Variants in CHST8 observed in about 807,000 individuals in gnomAD.
CHST8 encodes the protein GALNAC-4-ST1.
CHST8 carries 10 observed loss-of-function variants against 15.0 expected under a neutral mutation model. The ratio of observed to expected loss-of-function variants is 0.67; its 90% CI spans 0.41 to 1.13. The LOEUF (loss-of-function observed/expected upper bound fraction) is 1.13. CHST8 is among the 50% of genes most tolerant of loss of function. CHST8 has a pLI of 0.00. For missense variants in CHST8, 634 were observed against 608.2 expected (o/e 1.04, Z -0.45); for synonymous variants, 259 against 256.6 (o/e 1.01, Z -0.09).
chr19:33,628,158 G>T (rs909337836), intron 1 of CHST8, among the ~76,000 whole-genome samples: 1 of 152,094 alleles, frequency 6.6e-6, no homozygotes, highest in Non-Finnish European at 1.5e-5. Flanking sequence ...AAAGGATGGG[G>T]AGAGAGAATC....
intron 3 of CHST8, among the ~76,000 whole-genome samples, chr19:33,714,152 A>G (rs543750542): frequency 6.6e-6 from 1 of 152,186 alleles, no homozygotes; most frequent in Non-Finnish European, 1.5e-5. Flanking sequence ...CTACCGGGCT[A>G]TCTACCCAAA....
At chr19:33,737,633 G>T (rs76934979) in intron 3 of CHST8, among the ~76,000 whole-genome samples, 2,847 of 152,310 alleles carry the variant, frequency 0.019, 34 homozygotes, top group Non-Finnish European at 0.027. Context: ...ACTGTGTCAT[G>T]GAAGCCACGT....
At chr19:33,638,246 G>C (rs1318777008) in intron 1 of CHST8, among the ~76,000 whole-genome samples, 1 of 152,152 alleles carries the variant, frequency 6.6e-6, no homozygotes, top group African/African-American at 2.4e-5. Flanking sequence ...GTGGACTTGT[G>C]TGGCATTATT....
chr19:33,696,103 G>A (rs528268572), intron 3 of CHST8, among the ~76,000 whole-genome samples: 164 of 152,144 alleles, frequency 1.1e-3, no homozygotes, highest in African/African-American at 3.8e-3. Flanking sequence ...TGGGATTGCA[G>A]GCGTGAGCCA....
At chr19:33,630,257 G>A (rs1972105319) in intron 1 of CHST8, among the ~76,000 whole-genome samples, 1 of 152,236 alleles carries the variant, frequency 6.6e-6, no homozygotes, top group Non-Finnish European at 1.5e-5. Flanking sequence ...GCAGGTTACA[G>A]TGTTGGTGCA....
chr19:33,661,207 G>A (rs915765867), intron 1 of CHST8, among the ~76,000 whole-genome samples: 12 of 152,324 alleles, frequency 7.9e-5, no homozygotes, highest in East Asian at 1.9e-4. Context: ...ACTTTCCAAA[G>A]TGACCTGTGG....
chr19:33,771,013 G>A (rs111892997), intron 3 of CHST8, among the ~76,000 whole-genome samples: 119 of 152,214 alleles, frequency 7.8e-4, no homozygotes, highest in African/African-American at 2.7e-3. Context: ...AGAGTGGATC[G>A]AGCTTTCTGA....
intron 3 of CHST8, among the ~76,000 whole-genome samples, chr19:33,706,629 A>T (rs966314595): frequency 4.6e-5 from 7 of 152,152 alleles, no homozygotes; most frequent in African/African-American, 1.4e-4. Flanking sequence ...TCCAGCAGGC[A>T]CTCAGCAAAG....
At chr19:33,668,458 A>G (rs563242669) in intron 2 of CHST8, among the ~76,000 whole-genome samples, 32 of 152,224 alleles carry the variant, frequency 2.1e-4, no homozygotes, top group African/African-American at 7.7e-4. Context: ...GAGGGGGGAA[A>G]GATAGCCTCC....
At chr19:33,666,423 A>T (rs922393857) in intron 1 of CHST8, among the ~76,000 whole-genome samples, 2 of 152,180 alleles carry the variant, frequency 1.3e-5, no homozygotes, top group African/African-American at 4.8e-5. Flanking sequence ...AGTCACAGTG[A>T]TGACAAAAAG....
intron 3 of CHST8, 147 bp downstream of exon 3, chr19:33,689,538 G>A (rs570160215): frequency 2.8e-5 from 27 of 952,858 alleles, no homozygotes; most frequent in South Asian, 1.8e-4. Flanking sequence ...CTGGCTTCCC[G>A]GGGAAGGCGT....
intron 1 of CHST8, among the ~76,000 whole-genome samples, chr19:33,641,335 G>A (rs779586671): frequency 6.6e-6 from 1 of 152,248 alleles, no homozygotes; most frequent in South Asian, 2.1e-4. Flanking sequence ...TTTCTGGCCC[G>A]AGACCCCTTC....
intron 3 of CHST8, among the ~76,000 whole-genome samples, chr19:33,731,299 G>A (rs542506865): frequency 2.0e-5 from 3 of 152,324 alleles, no homozygotes; most frequent in East Asian, 3.9e-4. Context: ...ACAAGGGGTG[G>A]ATTAATTATG....
chr19:33,709,382 G>A (rs1042749396), intron 3 of CHST8, among the ~76,000 whole-genome samples: 1 of 151,918 alleles, frequency 6.6e-6, no homozygotes, highest in Non-Finnish European at 1.5e-5. Flanking sequence ...TGACCTTCAG[G>A]AAATTGTCTT....
At chr19:33,770,185 G>T (rs1404189345) in intron 3 of CHST8, among the ~76,000 whole-genome samples, 1 of 152,218 alleles carries the variant, frequency 6.6e-6, no homozygotes, top group Non-Finnish European at 1.5e-5. Flanking sequence ...CCCTTCACCA[G>T]CTGGGCTCCT....
intron 2 of CHST8, 100 bp from the exon 3 acceptor site, chr19:33,689,076 G>A (rs1020105302): frequency 7.1e-6 from 4 of 562,124 alleles, no homozygotes; most frequent in East Asian, 3.5e-5. Context: ...AGAGGGCAGA[G>A]TCATCCGGGG....
chr19:33,772,833 G>A lies in CHST8; in HGVS notation c.1045G>A (p.Glu349Lys). 1.2e-6 allele frequency: 2 copies of A among 1,613,564 alleles called. No homozygotes were observed. Among genetic ancestry groups the A allele is most frequent in the South Asian group, 1.1e-5 (1 of 91,082 alleles). ...LIDYDFVGKF[E>K]SMEDDANFFL... Reference sequence around the variant, plus strand: ...CGACTACGATTTCGTAGGCAAGTTCGAGAGCATGGAGGACGATGCCAACTT... The same window carrying A: ...CGACTACGATTTCGTAGGCAAGTTCAAGAGCATGGAGGACGATGCCAACTT... Residue 349 changes from glutamate to lysine, a missense_variant, in exon 5 of 5, where the codon GAG (glutamate) becomes AAG (lysine). Glu to Lys is a moderately conservative substitution (Grantham distance 56). Coordinates refer to ENST00000650847, the MANE Select transcript of CHST8 (RefSeq NM_001127895.2).
At chr19:33,702,905 C>T (rs1973371042) in intron 3 of CHST8, among the ~76,000 whole-genome samples, 1 of 152,214 alleles carries the variant, frequency 6.6e-6, no homozygotes, top group Admixed American at 6.5e-5. Flanking sequence ...GCTCCGAGGG[C>T]CAGGCATTGA....
chr19:33,649,365 A>T (rs900414591), intron 1 of CHST8, among the ~76,000 whole-genome samples: 1 of 152,102 alleles, frequency 6.6e-6, no homozygotes, highest in African/African-American at 2.4e-5. Context: ...TCAGCTGAAA[A>T]AACACATGAT....
Sources: gnomAD v4.1 joint callset for allele counts (sites outside exome capture counted in the v4.1 genomes callset) on GRCh38, gnomAD v4.1.1 for gene constraint, MANE v1.5 for transcripts, NCBI Gene and HGNC (gene_info 2026-07-23, HGNC 2026-07-21) for gene names.